The following FPGS variants were observed in gnomAD, a reference collection of about 807,000 sequenced individuals.
The protein encoded by FPGS is folylpolyglutamate synthase, mitochondrial.
A neutral mutation model predicts 66.5 loss-of-function variants in FPGS; 53 were observed. The ratio of observed to expected loss-of-function variants is 0.80; its 90% CI spans 0.64 to 1.00. The LOEUF is 1.00. FPGS is among the 50% of genes least tolerant of loss of function. FPGS has a pLI of 0.00. For missense variants in FPGS, 702 were observed against 807.7 expected, an observed-to-expected ratio of 0.87 and a Z score of 1.59; for synonymous variants, 348 against 350.9, an observed-to-expected ratio of 0.99 and a Z score of 0.09.
In FPGS at chr9:127,813,553, G is replaced by C; in HGVS notation, c.1713G>C (p.Leu571=). The change falls in exon 15 of 15, where the codon CTG becomes CTC. Residue 571 remains leucine (L), a synonymous_variant. Coordinates refer to ENST00000373247, the MANE Select transcript of FPGS (RefSeq NM_004957.6). ...TCCATGTGCTAGTCACTGGCAGCCT[G>C]CACCTGGTGGGTGGTGTCCTGAAGC... is the stretch of plus-strand genomic sequence containing the variant. ...AAIHVLVTGS[L]HLVGGVLKLL... is the part of the protein sequence containing the mutation. 1 of 1,593,616 alleles carries C rather than the reference G, an allele frequency of 6.3e-7. No homozygotes were observed. The highest frequency in any genetic ancestry group is 8.6e-7 in the Non-Finnish European group (1 of 1,168,600).
chr9:127,806,895 TA>T (rs1316889296), intron 4 of FPGS, 77 bp from the exon 5 acceptor site: 64 of 1,050,672 alleles, frequency 6.1e-5, no homozygotes, highest in Non-Finnish European at 1.5e-6. Flanking sequence ...CGGAGGCCAG[TA>T]GCATCAGTCC....
intron 1 of FPGS, 59 bp downstream of exon 1, chr9:127,803,121 G>A: frequency 7.7e-7 from 1 of 1,292,586 alleles, no homozygotes; most frequent in Non-Finnish European, 9.8e-7. Flanking sequence ...GGCCTGCGCT[G>A]AGCCGCAGAA....
chr9:127,809,768 C>T lies in FPGS; in HGVS notation c.1145C>T (p.Ala382Val), dbSNP rs764173410. 1.3e-6 allele frequency: 2 copies of T among 1,575,232 alleles called. No individual in the cohort carries two copies. The highest frequency in any genetic ancestry group is 1.8e-5 in the Admixed American group (1 of 57,128). The change falls in exon 12 of 15, where the codon GCC (alanine) becomes GTC (valine). Residue 382 changes from alanine to valine, a missense_variant. By Grantham distance (64) the Ala-to-Val change is moderately conservative. This residue lies in a region of FPGS where 351 missense variants were observed against 363.7 expected (regional missense o/e 0.97). Transcript: ENST00000373247. Reference sequence around the variant, plus strand: ...TGGTACCTGGACGGTGCGCACACCGCCAGCAGCGCGCAGGCCTGCGTGCGC... The same window carrying T: ...TGGTACCTGGACGGTGCGCACACCGTCAGCAGCGCGCAGGCCTGCGTGCGC... Reference protein sequence around the residue: ...LTWYLDGAHTASSAQACVRWF... With the variant: ...LTWYLDGAHTVSSAQACVRWF...
chr9:127,807,640 G>A lies in FPGS; in HGVS notation c.696G>A (p.Leu232=). The change falls in exon 8 of 15, where the codon CTG becomes CTA. Residue 232 remains leucine, a synonymous_variant. Coordinates refer to ENST00000373247, the MANE Select transcript of FPGS (RefSeq NM_004957.6). The surrounding 1 kb of genome is among the most constrained non-coding windows in gnomAD (Gnocchi z 5.8). Reference sequence around the variant, plus strand: ...TTGGCATCGACCACACCAGCCTCCTGGGGGATACGGTGGAGAAGATCGCAT... The same window carrying A: ...TTGGCATCGACCACACCAGCCTCCTAGGGGATACGGTGGAGAAGATCGCAT... ...SSLGIDHTSL[L]GDTVEKIAWQ... is the part of the protein sequence containing the mutation. 1.2e-6 allele frequency: 2 copies of A among 1,604,822 alleles called. No homozygotes were observed. Among genetic ancestry groups the A allele is most frequent in the Non-Finnish European group, 1.7e-6 (2 of 1,177,500 alleles).
rs752228449 is a variant in FPGS, at chr9:127,806,968, G to A, written c.387-5G>A. On this transcript the variant is annotated splice_region_variant and splice_polypyrimidine_tract_variant and intron_variant, in intron 4 of 14. Transcript: ENST00000373247. The stretch of plus-strand genomic sequence containing the variant: ...GAGTCCTGATGACCCCAGCTGTCCC[G>A]GCAGCTCTCCCCACCTGGTGCAGGT... 3.3e-5 allele frequency: 53 copies of A among 1,612,008 alleles called. No homozygotes were observed. The highest frequency in any genetic ancestry group is 5.0e-5 in the Admixed American group (3 of 59,992).
At chr9:127,811,054 C>T in intron 14 of FPGS, 43 bp downstream of exon 14, 1 of 1,272,754 alleles carries the variant, frequency 7.9e-7, no homozygotes, top group Non-Finnish European at 1.1e-6. Flanking sequence ...AGCAGGGGTC[C>T]CTGAGGTAGA....
At chr9:127,803,183 T>G in intron 1 of FPGS, 121 bp downstream of exon 1, 5 of 1,058,122 alleles carry the variant, frequency 4.7e-6, no homozygotes, top group African/African-American at 1.9e-5. Flanking sequence ...ACTGGGGGAC[T>G]CGGGGGGCGG....
Position 127,813,723 on chromosome 9 carries a change from G to A in FPGS, c.*119G>A, listed in dbSNP as rs1371892168. ...TGGTTCTGTCTAGACTGGCCTAGGG[G>A]CCAGGGCTTTGGGATGGGAGGCCGG... On this transcript the variant is annotated 3_prime_UTR_variant, in exon 15 of 15. Transcript: ENST00000373247. 2.2e-6 allele frequency: 3 copies of A among 1,347,978 alleles called. No homozygotes were observed. Among genetic ancestry groups the A allele is most frequent in the Non-Finnish European group, 2.8e-6 (3 of 1,054,422 alleles). 83.5% of individuals were successfully genotyped at this position (1,347,978 alleles called of 1,614,324 possible).
intron 8 of FPGS, 180 bp from the exon 9 acceptor site, chr9:127,808,054 C>G (rs930977331): frequency 1.7e-6 from 1 of 596,960 alleles, no homozygotes; most frequent in Non-Finnish European, 3.0e-6. Flanking sequence ...TGCAGTGAGC[C>G]GAGATTGCGC....
intron 13 of FPGS, among the ~76,000 whole-genome samples, chr9:127,810,480 TC>T (rs1228086859): frequency 6.6e-6 from 1 of 152,074 alleles, no homozygotes; most frequent in Non-Finnish European, 1.5e-5. Context: ...GGCACCCGCT[TC>T]TCAGGTTTGG....
chr9:127,810,131 C>A (rs372179095), intron 13 of FPGS, 25 bp downstream of exon 13: 3 of 1,605,884 alleles, frequency 1.9e-6, no homozygotes, highest in South Asian at 2.2e-5. Context: ...TGGGGGTGGG[C>A]GGCAGGCAGT....
intron 1 of FPGS, chr9:127,803,377 G>C (rs1005056804): frequency 8.1e-6 from 9 of 1,116,742 alleles, no homozygotes; most frequent in Non-Finnish European, 9.8e-6. Context: ...CCCGGAGTCT[G>C]AACCGGCAGT....
intron 4 of FPGS, among the ~76,000 whole-genome samples, chr9:127,805,736 G>A (rs1219603985): frequency 6.6e-6 from 1 of 152,262 alleles, no homozygotes; most frequent in African/African-American, 2.4e-5. Context: ...AGGGTGGCTT[G>A]TGCCATCCAC....
chr9:127,804,458 A>T, intron 2 of FPGS, 41 bp from the exon 3 acceptor site: 1 of 1,613,826 alleles, frequency 6.2e-7, no homozygotes, highest in Non-Finnish European at 8.5e-7. Context: ...CCCATTTGTG[A>T]TTCCCGTAGC....
chr9:127,803,252 G>A, intron 1 of FPGS, 190 bp downstream of exon 1: 2 of 1,247,522 alleles, frequency 1.6e-6, no homozygotes, highest in Non-Finnish European at 2.0e-6. Context: ...GGGCCGCCGG[G>A]GCTGGGAATT....
At chr9:127,806,916 G>C (rs955093138) in intron 4 of FPGS, 57 bp from the exon 5 acceptor site, 54 of 1,303,632 alleles carry the variant, frequency 4.1e-5, no homozygotes, top group Admixed American at 1.0e-4. Flanking sequence ...CCTGCAGGGT[G>C]GGGGAAGGCC....
intron 1 of FPGS, chr9:127,803,498 T>A: frequency 1.2e-6 from 1 of 807,068 alleles, no homozygotes; most frequent in Non-Finnish European, 1.5e-6. Context: ...GGGATCCAAG[T>A]GCCTGGATTT....
At chr9:127,803,143 CG>C in intron 1 of FPGS, 81 bp downstream of exon 1, 1 of 1,256,330 alleles carries the variant, frequency 8.0e-7, no homozygotes, top group Non-Finnish European at 1.0e-6. Flanking sequence ...ATCCGGGCTC[CG>C]CTAGCCGAGA....
chr9:127,808,559 G>A lies in FPGS; in HGVS notation c.824G>A (p.Cys275Tyr). The change falls in exon 10 of 15, where the codon TGT (cysteine) becomes TAT (tyrosine). Residue 275 changes from cysteine to tyrosine, a missense_variant and splice_region_variant. This residue lies in a region of FPGS where 240 missense variants were observed against 348.6 expected (regional missense o/e 0.69). Transcript: ENST00000373247. Reference protein sequence around the residue: ...VLRDRAQQISCPLYLCPMLEA... With the variant: ...VLRDRAQQISYPLYLCPMLEA... The stretch of plus-strand genomic sequence containing the variant: ...CCCGCTCCTGCCTGTCTCCCCTAGT[G>A]TCCTCTATACCTGTGTCCGATGCTG... 6.2e-7 allele frequency: 1 copy of A among 1,612,692 alleles called. No individual in the cohort carries two copies. Among genetic ancestry groups the A allele is most frequent in the Non-Finnish European group, 8.5e-7 (1 of 1,179,858 alleles).
Sources: allele counts gnomAD v4.1 joint callset (sites outside exome capture counted in the v4.1 genomes callset), GRCh38; gene constraint gnomAD v4.1.1; regional missense constraint gnomAD v4.1.1; non-coding constraint Gnocchi (gnomAD v3.1); transcripts MANE v1.5; gene names NCBI Gene and HGNC (gene_info 2026-07-23, HGNC 2026-07-21).